The following ARHGAP15 variants were observed in gnomAD, a reference collection of about 807,000 sequenced individuals.
The protein encoded by ARHGAP15 is Rho GTPase activating protein 15.
A neutral mutation model predicts 63.7 loss-of-function variants in ARHGAP15; 51 were observed. The ratio of observed to expected loss-of-function variants is 0.80; its 90% CI spans 0.64 to 1.01. ARHGAP15 has a LOEUF of 1.01. Ranked by LOEUF, ARHGAP15 falls within the 50% of genes least tolerant of loss-of-function variation. The probability of loss-of-function intolerance (pLI) is 0.00; values close to 1 mark genes in which losing one functional copy is unlikely to be tolerated. For synonymous variants in ARHGAP15, 191 were observed against 193.8 expected, an observed-to-expected ratio of 0.99 and a Z score of 0.12; for missense variants, 560 against 564.6, an observed-to-expected ratio of 0.99 and a Z score of 0.08.
At chr2:143,147,963 T>C (rs1689655944) in intron 1 of ARHGAP15, among the ~76,000 whole-genome samples, 1 of 152,078 alleles carries the variant, frequency 6.6e-6, no homozygotes, top group Non-Finnish European at 1.5e-5. Flanking sequence ...TCATCAAGTA[T>C]CTTAGAAAGG....
At chr2:143,523,788 A>G (rs1264546906) in intron 10 of ARHGAP15, among the ~76,000 whole-genome samples, 1 of 152,176 alleles carries the variant, frequency 6.6e-6, no homozygotes, top group African/African-American at 2.4e-5. Context: ...TACCCAAACT[A>G]TTTTAAAACA....
intron 6 of ARHGAP15, among the ~76,000 whole-genome samples, chr2:143,265,720 T>G (rs1680956073): frequency 2.0e-5 from 3 of 152,130 alleles, no homozygotes; most frequent in Admixed American, 2.0e-4. Context: ...ATTCTTAGAC[T>G]TGCCTTTGTT....
chr2:143,220,787 AC>A (rs1285998726), intron 4 of ARHGAP15, among the ~76,000 whole-genome samples: 4 of 152,114 alleles, frequency 2.6e-5, no homozygotes, highest in African/African-American at 7.2e-5. Context: ...TTTATCAAGG[AC>A]CTTTGTATCT....
intron 9 of ARHGAP15, among the ~76,000 whole-genome samples, chr2:143,495,239 T>A (rs2104918540): frequency 6.6e-6 from 1 of 152,268 alleles, no homozygotes; most frequent in South Asian, 2.1e-4. Context: ...TCTTCTTTAT[T>A]TAGGTGCACA....
chr2:143,439,036 TTAGA>T (rs778118370), intron 8 of ARHGAP15, among the ~76,000 whole-genome samples: 68 of 152,268 alleles, frequency 4.5e-4, no homozygotes, highest in East Asian at 7.7e-4. Flanking sequence ...AAAAAAAATC[TTAGA>T]TAGAACACTC....
intron 12 of ARHGAP15, among the ~76,000 whole-genome samples, chr2:143,624,799 T>C (rs1477539558): frequency 1.3e-5 from 2 of 152,184 alleles, no homozygotes; most frequent in Non-Finnish European, 2.9e-5. Context: ...TCAAATGAAG[T>C]AATGGCAAGT....
chr2:143,744,358 G>T (rs1348010169), intron 13 of ARHGAP15, among the ~76,000 whole-genome samples: 1 of 152,194 alleles, frequency 6.6e-6, no homozygotes, highest in Non-Finnish European at 1.5e-5. Context: ...TCATCAGCTG[G>T]ATGACTACCG....
intron 6 of ARHGAP15, among the ~76,000 whole-genome samples, chr2:143,371,433 T>C (rs1357123104): frequency 6.6e-6 from 1 of 152,198 alleles, no homozygotes; most frequent in Non-Finnish European, 1.5e-5. Context: ...ATTGTCCGTC[T>C]TTCTATCTCC....
intron 11 of ARHGAP15, chr2:143,593,309 C>T (rs1332121598): frequency 6.6e-6 from 1 of 152,018 alleles, no homozygotes; most frequent in African/African-American, 2.4e-5. Flanking sequence ...AACCTGTAAA[C>T]AAAAAATGGC....
At chr2:143,747,715 T>C (rs1686223656) in intron 13 of ARHGAP15, among the ~76,000 whole-genome samples, 1 of 152,234 alleles carries the variant, frequency 6.6e-6, no homozygotes, top group Non-Finnish European at 1.5e-5. Context: ...TGATAGCTTA[T>C]TTCTTTTTAT....
chr2:143,542,387 CA>C (rs2105050061), intron 10 of ARHGAP15, among the ~76,000 whole-genome samples: 1 of 152,144 alleles, frequency 6.6e-6, no homozygotes, highest in South Asian at 2.1e-4. Context: ...CACTCTCCTG[CA>C]ACCACTGTCC....
chr2:143,190,248 A>T (rs1347665936), intron 2 of ARHGAP15, among the ~76,000 whole-genome samples: 1 of 152,240 alleles, frequency 6.6e-6, no homozygotes, highest in East Asian at 1.9e-4. Context: ...TAAAATGCTG[A>T]TTAAAATTTC....
At chr2:143,160,400 G>A (rs930198381) in intron 2 of ARHGAP15, among the ~76,000 whole-genome samples, 1 of 151,852 alleles carries the variant, frequency 6.6e-6, no homozygotes, top group African/African-American at 2.4e-5. Flanking sequence ...AGGAAAAGCT[G>A]GAGGACAGTG....
chr2:143,346,806 AACTG>A (rs753522553), intron 6 of ARHGAP15, among the ~76,000 whole-genome samples: 6 of 152,124 alleles, frequency 3.9e-5, no homozygotes, highest in Admixed American at 1.3e-4. Flanking sequence ...AATTTAAGAA[AACTG>A]ACTGAAAGAG....
At chr2:143,514,718 C>A (rs1328397661) in intron 9 of ARHGAP15, among the ~76,000 whole-genome samples, 1 of 152,198 alleles carries the variant, frequency 6.6e-6, no homozygotes, top group Non-Finnish European at 1.5e-5. Context: ...CTGCTTTAAG[C>A]TGCAGGTCTG....
chr2:143,532,443 A>G (rs1336557680), intron 10 of ARHGAP15, among the ~76,000 whole-genome samples: 3 of 152,314 alleles, frequency 2.0e-5, no homozygotes, highest in African/African-American at 7.2e-5. Flanking sequence ...TTTCCATTCA[A>G]ATTCTTTTCC....
At chr2:143,758,068 A>G (rs529689105) in intron 13 of ARHGAP15, among the ~76,000 whole-genome samples, 3 of 152,190 alleles carry the variant, frequency 2.0e-5, no homozygotes, top group African/African-American at 7.2e-5. Context: ...CTAAAAACCA[A>G]CCAGCAGAGA....
intron 2 of ARHGAP15, chr2:143,193,373 G>A (rs1015952883): frequency 2.0e-5 from 3 of 152,754 alleles, no homozygotes; most frequent in Admixed American, 1.3e-4. Flanking sequence ...ATTCCCAGAG[G>A]AGAATGTCCT....
intron 3 of ARHGAP15, among the ~76,000 whole-genome samples, chr2:143,210,350 C>T (rs1288113577): frequency 2.0e-5 from 3 of 151,314 alleles, no homozygotes; most frequent in Non-Finnish European, 3.0e-5. Flanking sequence ...AATGAACACA[C>T]CGGTTGCCAG....
Sources: allele counts gnomAD v4.1 joint callset (sites outside exome capture counted in the v4.1 genomes callset), GRCh38; gene constraint gnomAD v4.1.1; transcripts MANE v1.5; gene names NCBI Gene and HGNC (gene_info 2026-07-23, HGNC 2026-07-21).